Variants in COG6 observed in about 807,000 individuals in gnomAD.
COG6 encodes conserved oligomeric Golgi complex subunit 6.
COG6 carries 74 observed loss-of-function variants against 88.8 expected under a neutral mutation model. The observed-to-expected ratio is 0.83, with a 90% confidence interval of 0.69 to 1.01. COG6 has a LOEUF of 1.01. Ranked by LOEUF, COG6 falls within the 50% of genes least tolerant of loss-of-function variation. COG6 has a pLI of 0.00. For missense variants in COG6, 800 were observed against 797.9 expected (o/e 1.00, Z -0.03); for synonymous variants, 286 against 278.7 (o/e 1.03, Z -0.26).
chr13:39,750,807 A>C (rs1880580661), intron 18 of COG6, 139 bp from the exon 19 acceptor site: 1 of 677,756 alleles, frequency 1.5e-6, no homozygotes, highest in East Asian at 2.7e-5. Flanking sequence ...CTGTGTAGCC[A>C]TATAGTGATT....
At chr13:39,663,110 A>G (rs1875015610) in intron 3 of COG6, among the ~76,000 whole-genome samples, 1 of 151,684 alleles carries the variant, frequency 6.6e-6, no homozygotes, top group Non-Finnish European at 1.5e-5. Flanking sequence ...ATTTAGATGC[A>G]TATGTTTATT....
At chr13:39,761,850 A>G (rs943122511) in intron 18 of COG6, among the ~76,000 whole-genome samples, 10 of 151,824 alleles carry the variant, frequency 6.6e-5, no homozygotes, top group Admixed American at 2.0e-4. Flanking sequence ...CATTTTGGCT[A>G]TTATCAAAAA....
intron 13 of COG6, among the ~76,000 whole-genome samples, chr13:39,708,806 C>A (rs1246011554): frequency 6.6e-6 from 1 of 152,100 alleles, no homozygotes; most frequent in African/African-American, 2.4e-5. Context: ...ATATGTATTT[C>A]TTAGGTTACC....
intron 4 of COG6, among the ~76,000 whole-genome samples, chr13:39,665,627 G>A (rs6563738): frequency 0.66 from 100,286 of 151,826 alleles, 33,339 homozygotes; most frequent in Admixed American, 0.77. Flanking sequence ...GGTGAGTACA[G>A]TCTGGATTTG....
At chr13:39,780,307 T>C (rs1054255440) in intron 18 of COG6, among the ~76,000 whole-genome samples, 1 of 152,158 alleles carries the variant, frequency 6.6e-6, no homozygotes, top group Non-Finnish European at 1.5e-5. Flanking sequence ...AGAACTTTGC[T>C]TTTGAATATA....
At chr13:39,766,446 T>TG (rs1180800841) in intron 18 of COG6, among the ~76,000 whole-genome samples, 1 of 152,108 alleles carries the variant, frequency 6.6e-6, no homozygotes, top group African/African-American at 2.4e-5. Flanking sequence ...CAAAAAAACC[T>TG]GGGGGAACAA....
At chr13:39,691,331 C>T (rs1481308516) in intron 11 of COG6, among the ~76,000 whole-genome samples, 1 of 151,846 alleles carries the variant, frequency 6.6e-6, no homozygotes, top group Non-Finnish European at 1.5e-5. Flanking sequence ...CTTAGAAATT[C>T]TCACTTCATC....
At chr13:39,742,361 C>G (rs1001050837) in intron 18 of COG6, among the ~76,000 whole-genome samples, 4 of 152,094 alleles carry the variant, frequency 2.6e-5, no homozygotes, top group Admixed American at 6.5e-5. Flanking sequence ...GGAGACCCAT[C>G]TCACATGCAG....
intron 13 of COG6, among the ~76,000 whole-genome samples, chr13:39,716,286 A>G (rs989177260): frequency 6.6e-6 from 1 of 152,172 alleles, no homozygotes; most frequent in South Asian, 2.1e-4. Flanking sequence ...TTTGTCTGAT[A>G]TTAGTATATT....
intron 13 of COG6, among the ~76,000 whole-genome samples, chr13:39,701,170 A>G (rs1877558085): frequency 1.3e-5 from 2 of 151,826 alleles, no homozygotes; most frequent in Non-Finnish European, 2.9e-5. Context: ...GTAAAGGTAA[A>G]ATCTTCAAAA....
intron 11 of COG6, among the ~76,000 whole-genome samples, chr13:39,693,313 T>C (rs1413804678): frequency 6.6e-6 from 1 of 151,934 alleles, no homozygotes; most frequent in Non-Finnish European, 1.5e-5. Flanking sequence ...CTTTCTTTCT[T>C]TCTCTCCCCT....
chr13:39,677,619 G>A, intron 5 of COG6, 40 bp downstream of exon 5: 4 of 1,215,398 alleles, frequency 3.3e-6, no homozygotes, highest in Non-Finnish European at 4.8e-6. Context: ...AAGTTTAGTA[G>A]TTACAGATAT....
At position 39,752,468 on chromosome 13, in the gene COG6, A is replaced by G; in HGVS notation, c.*1375A>G. ...CCTTTGATTAGTATGTGTTACATAT[A>G]AAGACAGAAAATAAAGTATAAATCA... is the stretch of plus-strand genomic sequence containing the variant. On this transcript the variant is annotated 3_prime_UTR_variant, in exon 19 of 19. Transcript: ENST00000455146. The G allele has an allele frequency of 2.7e-6, 3 of 1,100,802 alleles. No individual in the cohort carries two copies. Among genetic ancestry groups the G allele is most frequent in the Non-Finnish European group, 3.6e-6 (3 of 841,502 alleles). 68.2% of individuals were successfully genotyped at this position (1,100,802 alleles called of 1,614,324 possible).
chr13:39,764,107 AT>A (rs1361514873), intron 18 of COG6, among the ~76,000 whole-genome samples: 1 of 151,688 alleles, frequency 6.6e-6, no homozygotes, highest in Non-Finnish European at 1.5e-5. Context: ...TGGTTGTTCT[AT>A]TTCTTCTTGT....
chr13:39,785,695 T>C (rs1159886174), intron 18 of COG6, among the ~76,000 whole-genome samples: 2 of 152,214 alleles, frequency 1.3e-5, no homozygotes, highest in Non-Finnish European at 2.9e-5. Flanking sequence ...TATTTTTGAA[T>C]TATTTAATAT....
At chr13:39,754,660 T>A (rs1228612291), downstream of COG6, among the ~76,000 whole-genome samples, 2 of 152,222 alleles carry the variant, frequency 1.3e-5, no homozygotes, top group Non-Finnish European at 2.9e-5. Flanking sequence ...ATATGAGAGC[T>A]ATTTTTTTTC....
chr13:39,754,915 G>A (rs141831567), downstream of COG6, among the ~76,000 whole-genome samples: 1 of 152,250 alleles, frequency 6.6e-6, no homozygotes, highest in East Asian at 1.9e-4. Context: ...TGGTATAAGA[G>A]GTTGAGAGCA....
chr13:39,673,684 A>G (rs1875784801), intron 4 of COG6, among the ~76,000 whole-genome samples: 1 of 152,040 alleles, frequency 6.6e-6, no homozygotes, highest in East Asian at 2.0e-4. Context: ...TTTTTTTGAC[A>G]TAATGTTAAT....
At chr13:39,696,829 A>G (rs1877302445) in intron 12 of COG6, among the ~76,000 whole-genome samples, 1 of 151,134 alleles carries the variant, frequency 6.6e-6, no homozygotes, top group Non-Finnish European at 1.5e-5. Flanking sequence ...AAAATAAGGA[A>G]GATATTTAGA....
Sources: gnomAD v4.1 joint callset for allele counts (sites outside exome capture counted in the v4.1 genomes callset) on GRCh38, gnomAD v4.1.1 for gene constraint, MANE v1.5 for transcripts, NCBI Gene and HGNC (gene_info 2026-07-23, HGNC 2026-07-21) for gene names.